CLMP: variants seen among roughly 807,000 people sequenced by gnomAD.
CLMP encodes the protein CXADR-like membrane protein.
CLMP carries 27 observed loss-of-function variants against 45.2 expected under a neutral mutation model. That is an observed-to-expected ratio of 0.60 (90% CI 0.44 to 0.82). CLMP has a LOEUF of 0.82. Among genes scored for constraint, CLMP ranks in the 40% least tolerant of loss-of-function variants. The pLI is 0.00. For synonymous variants in CLMP, 167 were observed against 171.4 expected, an observed-to-expected ratio of 0.97 and a Z score of 0.20; for missense variants, 403 against 448.4, an observed-to-expected ratio of 0.90 and a Z score of 0.91.
At chr11:123,097,334 TTTTC>T (rs113269566) in intron 2 of CLMP, among the ~76,000 whole-genome samples, 2 of 151,474 alleles carry the variant, frequency 1.3e-5, no homozygotes, top group African/African-American at 4.8e-5. Context: ...TCTGGCTAAT[TTTTC>T]TTTCTTTCTT....
intron 2 of CLMP, among the ~76,000 whole-genome samples, chr11:123,089,011 G>A (rs1039926797): frequency 1.3e-5 from 2 of 152,140 alleles, no homozygotes; most frequent in African/African-American, 4.8e-5. Context: ...TAGTAGCTGT[G>A]GTCCAAAGTA....
chr11:123,116,304 C>T lies in CLMP; in HGVS notation c.29-18352G>A, dbSNP rs144794208. ...CTTAAAGGCCTGGCATGGTGGCTCA[C>T]GCCTGTAATCCCAGCACTCTGGGAT... On this transcript the variant is annotated intron_variant, in intron 1 of 6. Transcript: ENST00000448775. Among the ~76,000 whole-genome samples, 41 of 152,172 alleles carry T rather than the reference C, an allele frequency of 2.7e-4. No homozygotes were observed. In the East Asian group the frequency reaches 6.2e-3, roughly 23 times the overall value.
chr11:123,165,382 T>A (rs1861542950), intron 1 of CLMP, among the ~76,000 whole-genome samples: 1 of 152,306 alleles, frequency 6.6e-6, no homozygotes, highest in East Asian at 1.9e-4. Context: ...AAACTAACAG[T>A]TATGACATTA....
At chr11:123,145,209 G>C (rs936133709) in intron 1 of CLMP, among the ~76,000 whole-genome samples, 1 of 151,910 alleles carries the variant, frequency 6.6e-6, no homozygotes, top group African/African-American at 2.4e-5. Flanking sequence ...ATTCCATGGG[G>C]GCTCACATTC....
intron 1 of CLMP, among the ~76,000 whole-genome samples, chr11:123,177,441 G>T (rs1861713723): frequency 6.6e-6 from 1 of 152,110 alleles, no homozygotes; most frequent in Admixed American, 6.6e-5. Context: ...CAACACGTTT[G>T]GGTTACATTT....
chr11:123,137,030 GT>G (rs1264491682), intron 1 of CLMP, among the ~76,000 whole-genome samples: 1 of 151,688 alleles, frequency 6.6e-6, no homozygotes, highest in African/African-American at 2.4e-5. Flanking sequence ...CCCATGTCCA[GT>G]TTCCCGAGCC....
chr11:123,168,341 A>G (rs578146071), intron 1 of CLMP, among the ~76,000 whole-genome samples: 1 of 152,310 alleles, frequency 6.6e-6, no homozygotes, highest in South Asian at 2.1e-4. Context: ...GACAGCATCT[A>G]GGGCAGCTGC....
intron 1 of CLMP, among the ~76,000 whole-genome samples, chr11:123,119,301 T>G (rs1860779544): frequency 6.6e-6 from 1 of 151,928 alleles, no homozygotes; most frequent in Non-Finnish European, 1.5e-5. Flanking sequence ...CAGACTGGTC[T>G]CAAACTCCCG....
chr11:123,103,423 A>C (rs1047095885), intron 1 of CLMP, among the ~76,000 whole-genome samples: 19 of 152,214 alleles, frequency 1.2e-4, no homozygotes, highest in African/African-American at 4.6e-4. Context: ...AGGGAATCAA[A>C]GGCTCAGATT....
At chr11:123,125,500 C>CCCT (rs1860877019) in intron 1 of CLMP, among the ~76,000 whole-genome samples, 1 of 78,582 alleles carries the variant, frequency 1.3e-5, no homozygotes, top group Non-Finnish European at 2.6e-5. Flanking sequence ...TTCCTCCCTT[C>CCCT]TTCCTCCCTT....
At chr11:123,087,259 C>T (rs1276510129) in intron 2 of CLMP, among the ~76,000 whole-genome samples, 2 of 152,066 alleles carry the variant, frequency 1.3e-5, no homozygotes, top group Non-Finnish European at 2.9e-5. Context: ...ATTGCTTGAA[C>T]CCGGGAGGCG....
rs556692345 is a variant in CLMP at position 123,110,931 on chromosome 11, AG to A, written c.29-12980del. 1.5e-3 allele frequency among the ~76,000 whole-genome samples: 227 copies of A among 152,300 alleles called. 2 individuals carry two copies. Among genetic ancestry groups the A allele is most frequent in the Middle Eastern group, 6.8e-3 (2 of 294 alleles). ...AATGAGAGTGTGTGAGTAGCTGTAA[AG>A]GGGTCCTTATATGTGGATGTTAAAC... On this transcript the variant is annotated intron_variant, in intron 1 of 6. Transcript: ENST00000448775.
intron 1 of CLMP, among the ~76,000 whole-genome samples, chr11:123,146,587 C>T (rs951707556): frequency 2.0e-5 from 3 of 152,070 alleles, no homozygotes; most frequent in Non-Finnish European, 2.9e-5. Flanking sequence ...AAAATTCTGG[C>T]CTCAGCCTGC....
intron 1 of CLMP, among the ~76,000 whole-genome samples, chr11:123,176,062 T>C (rs1260527572): frequency 2.0e-5 from 3 of 152,226 alleles, no homozygotes; most frequent in African/African-American, 7.2e-5. Flanking sequence ...AATAAGGTGT[T>C]ATTAAAATAC....
At chr11:123,188,520 C>T (rs1341189851) in intron 1 of CLMP, among the ~76,000 whole-genome samples, 1 of 152,126 alleles carries the variant, frequency 6.6e-6, no homozygotes, top group Admixed American at 6.6e-5. Context: ...TTTCCACATC[C>T]CCCTTGCTGC....
At chr11:123,189,863 G>A (rs1386719074) in intron 1 of CLMP, among the ~76,000 whole-genome samples, 6 of 151,946 alleles carry the variant, frequency 3.9e-5, no homozygotes, top group East Asian at 3.9e-4. Context: ...TTAGCTGGGC[G>A]TGATGGTGGG....
chr11:123,168,138 C>T (rs765407343), intron 1 of CLMP, among the ~76,000 whole-genome samples: 3 of 152,210 alleles, frequency 2.0e-5, no homozygotes, highest in Non-Finnish European at 2.9e-5. Flanking sequence ...GGTTAAACAT[C>T]TGCCACCATC....
chr11:123,141,498 AGC>A (rs2135517416), intron 1 of CLMP, among the ~76,000 whole-genome samples: 1 of 152,216 alleles, frequency 6.6e-6, no homozygotes, highest in African/African-American at 2.4e-5. Flanking sequence ...ATTCCTTGAT[AGC>A]AATGCAAAAT....
intron 1 of CLMP, among the ~76,000 whole-genome samples, chr11:123,145,771 T>C (rs1040656858): frequency 2.6e-5 from 4 of 152,322 alleles, no homozygotes; most frequent in African/African-American, 9.6e-5. Context: ...GCCTTGCGGC[T>C]GGTTTTAATG....
Sources: gnomAD v4.1 joint callset for allele counts (sites outside exome capture counted in the v4.1 genomes callset) on GRCh38, gnomAD v4.1.1 for gene constraint, MANE v1.5 for transcripts, NCBI Gene and HGNC (gene_info 2026-07-23, HGNC 2026-07-21) for gene names.